The following HNRNPU variants were observed in gnomAD, a reference collection of about 807,000 sequenced individuals.
HNRNPU encodes heterogeneous nuclear ribonucleoprotein U.
Under a neutral mutation model 94.7 loss-of-function variants are expected in HNRNPU, and 5 were observed. The ratio of observed to expected loss-of-function variants is 0.05; its 90% CI spans 0.03 to 0.11. The LOEUF (loss-of-function observed/expected upper bound fraction) is 0.11. HNRNPU is among the 10% of genes least tolerant of loss of function. The pLI is 1.00. For synonymous variants in HNRNPU, 434 were observed against 381.6 expected (o/e 1.14, Z -1.60); for missense variants, 710 against 1,049.2 (o/e 0.68, Z 4.47).
chr1:244,855,024 G>A lies in HNRNPU; in HGVS notation c.2373C>T (p.Asn791=), dbSNP rs778077867. 9.9e-6 allele frequency: 16 copies of A among 1,613,598 alleles called. No individual in the cohort carries two copies. The South Asian group carries it at 1.4e-4, about 14-fold the overall frequency. ...GAGATTGATTTTTGTAGCCACGATTGTTTCCTCGTCCTCTGAAGTTCTACA... is the reference window on the plus strand; with the variant it reads ...GAGATTGATTTTTGTAGCCACGATTATTTCCTCGTCCTCTGAAGTTCTACA... ...NYNQNFRGRG[N]NRGYKNQSQG... Residue 791 remains asparagine, a synonymous_variant, in exon 13 of 14, where the codon AAC becomes AAT. Transcript: ENST00000640218.
chr1:244,862,338 C>G (rs1680855339), intron 3 of HNRNPU, 123 bp downstream of exon 3: 4 of 654,354 alleles, frequency 6.1e-6, no homozygotes, highest in Non-Finnish European at 1.1e-5. Context: ...AAACCATTAT[C>G]TTCCTGCTTT....
chr1:244,862,585 A>G, intron 2 of HNRNPU, 34 bp downstream of exon 2: 1 of 1,607,194 alleles, frequency 6.2e-7, no homozygotes, highest in Non-Finnish European at 8.5e-7. Context: ...ACGAACGAAT[A>G]AGGGATGAGT....
intron 5 of HNRNPU, chr1:244,859,053 C>T: frequency 1.7e-6 from 1 of 579,628 alleles, no homozygotes; most frequent in Non-Finnish European, 3.0e-6. Context: ...ATTTGCATAT[C>T]ACGGGTAAGA....
At chr1:244,857,892 A>G in intron 7 of HNRNPU, 119 bp downstream of exon 7, 3 of 1,295,566 alleles carry the variant, frequency 2.3e-6, no homozygotes, top group Non-Finnish European at 3.2e-6. Flanking sequence ...ATTACTTAAG[A>G]GCAATATGCA....
At position 244,851,602 on chromosome 1, in the gene HNRNPU, G is replaced by C. The variant is rs1680550424; in HGVS notation, c.*2848C>G. On this transcript the variant is annotated 3_prime_UTR_variant, in exon 14 of 14. Transcript: ENST00000640218. ...TAAAATACCTTGTTGCTAGTGCTCA[G>C]AACATCTAGGTTCAGTCTTTATTTT... 1 of 152,264 alleles carries C rather than the reference G, an allele frequency of 6.6e-6. No homozygotes were observed. The highest frequency in any genetic ancestry group is 1.5e-5 in the Non-Finnish European group (1 of 68,016). The allele number at this position is 152,264 out of a possible 1,614,324, so 9.4% of individuals were successfully genotyped here.
At chr1:244,855,192 TTTC>T in intron 12 of HNRNPU, 148 bp from the exon 13 acceptor site, 1 of 722,856 alleles carries the variant, frequency 1.4e-6, no homozygotes, top group Non-Finnish European at 2.4e-6. Context: ...CCTCTGCTGG[TTTC>T]TTATGTTTTA....
rs1414467757 is a variant in HNRNPU, at chr1:244,863,708, C to G, written c.600G>C (p.Pro200=). 1 of 1,563,796 alleles carries G rather than the reference C, an allele frequency of 6.4e-7. No individual in the cohort carries two copies. The highest frequency in any genetic ancestry group is 1.1e-5 in the South Asian group (1 of 87,548). The change falls in exon 1 of 14, where the codon CCG becomes CCC. Residue 200 remains proline, a synonymous_variant. Transcript: ENST00000640218. ...GCTGCTGGCCCTGCCTCGCCCCGGG[C>G]GGCGCCACCGTCACCGCGAACAGCG... ...PTSLFAVTVA[P]PGARQGQQQA...
intron 10 of HNRNPU, 55 bp from the exon 11 acceptor site, chr1:244,856,213 A>C: frequency 3.9e-6 from 6 of 1,520,122 alleles, no homozygotes; most frequent in Non-Finnish European, 5.3e-6. Flanking sequence ...AATCCTCACA[A>C]TCCTAAAGCT....
intron 5 of HNRNPU, 45 bp from the exon 6 acceptor site, chr1:244,858,886 C>G: frequency 1.1e-6 from 1 of 908,656 alleles, no homozygotes; most frequent in South Asian, 1.4e-5. Flanking sequence ...TTAAAATAGT[C>G]CAAAGACTCA....
At chr1:244,854,632 T>G in intron 13 of HNRNPU, 129 bp from the exon 14 acceptor site, 1 of 677,936 alleles carries the variant, frequency 1.5e-6, no homozygotes, top group Non-Finnish European at 2.6e-6. Context: ...ATACCTCTGA[T>G]TTCTACCAAA....
In HNRNPU at chr1:244,851,272, A is replaced by G; in HGVS notation, c.*3178T>C. On this transcript the variant is annotated 3_prime_UTR_variant, in exon 14 of 14. Transcript: ENST00000640218. ...TATTCTAGTTTTTTAAAAATCAAAT[A>G]TACAAGATCTACAATTATTTATATC... The G allele has an allele frequency of 6.6e-6, 1 of 152,178 alleles. No individual in the cohort carries two copies. The highest frequency in any genetic ancestry group is 1.9e-4 in the East Asian group (1 of 5,198). 9.4% of individuals were successfully genotyped at this position (152,178 alleles called of 1,614,324 possible).
At chr1:244,863,470 G>C in intron 1 of HNRNPU, 147 bp downstream of exon 1, 2 of 1,044,728 alleles carry the variant, frequency 1.9e-6, no homozygotes, top group Non-Finnish European at 2.5e-6. Flanking sequence ...CGGCTAATCT[G>C]GGATTCCCCG....
chr1:244,859,064 T>C (rs977314904), intron 5 of HNRNPU: 2 of 580,614 alleles, frequency 3.4e-6, no homozygotes, highest in Non-Finnish European at 6.1e-6. Context: ...ACGGGTAAGA[T>C]TTTATTTCAA....
At chr1:244,855,094 G>A in intron 12 of HNRNPU, 50 bp from the exon 13 acceptor site, 1 of 1,416,460 alleles carries the variant, frequency 7.1e-7, no homozygotes, top group South Asian at 1.1e-5. Context: ...TTGCTTGTTA[G>A]GTTTGTGGGG....
Position 244,864,109 on chromosome 1 carries a change from C to A in HNRNPU, c.199G>T (p.Ala67Ser). 6.3e-7 allele frequency: 1 copy of A among 1,596,090 alleles called. No individual in the cohort carries two copies. Reference protein sequence around the residue: ...NGSLDLGGDSAGRSGAGLEQE... With the variant: ...NGSLDLGGDSSGRSGAGLEQE... The stretch of plus-strand genomic sequence containing the variant: ...TCGAGGCCTGCTCCCGAGCGCCCAG[C>A]GGAATCCCCGCCCAGGTCTAGGCTG... The change falls in exon 1 of 14, where the codon GCT becomes TCT. Residue 67 changes from alanine (A) to serine (S), a missense_variant. Ala to Ser is a moderately conservative substitution (Grantham distance 99). Around this residue, in one of 8 missense-constraint regions of HNRNPU, gnomAD observed 292 missense variants for 293.4 expected, o/e 1.00. Coordinates refer to ENST00000640218, the MANE Select transcript of HNRNPU (RefSeq NM_031844.3).
chr1:244,863,527 C>G (rs1318363269), intron 1 of HNRNPU, 90 bp downstream of exon 1: 2 of 1,267,036 alleles, frequency 1.6e-6, no homozygotes, highest in Non-Finnish European at 2.0e-6. Context: ...CCCGGGGCTC[C>G]CTCCCCCTGC....
In HNRNPU at chr1:244,863,566, C is replaced by T. The variant is rs749005431; in HGVS notation, c.691+51G>A. ...GCTCCGGCAGGCCTGGGGCACGGTC[C>T]CCACCCCGCGCGGGCCTCCCGCCGC... On this transcript the variant is annotated intron_variant, in intron 1 of 13. Transcript: ENST00000640218. 10 of 1,364,910 alleles carry T rather than the reference C, an allele frequency of 7.3e-6. No homozygotes were observed. In the African/African-American group the frequency reaches 1.2e-4, roughly 17 times the overall value. 84.5% of individuals were successfully genotyped at this position (1,364,910 alleles called of 1,614,324 possible).
In HNRNPU at chr1:244,863,765, C is replaced by T; in HGVS notation, c.543G>A (p.Lys181=). 1.9e-6 allele frequency: 3 copies of T among 1,592,692 alleles called. No homozygotes were observed. The highest frequency in any genetic ancestry group is 2.3e-5 in the East Asian group (1 of 43,548). ...GGCCGCTGCTCTTCCCCGCGGCCTCCTTGGCGGCCCCGCGCTGCTGTTGGG... is the reference window on the plus strand; with the variant it reads ...GGCCGCTGCTCTTCCCCGCGGCCTCTTTGGCGGCCCCGCGCTGCTGTTGGG... ...QQPQQQRGAA[K]EAAGKSSGPT... is the part of the protein sequence containing the mutation. The change falls in exon 1 of 14, where the codon AAG becomes AAA. Residue 181 remains lysine, a synonymous_variant. Transcript: ENST00000640218.
rs996636159 is a variant in HNRNPU at position 244,862,389 on chromosome 1, G to C, written c.877+72C>G. 7.3e-6 allele frequency: 6 copies of C among 822,456 alleles called. No individual in the cohort carries two copies. In the Admixed American group the frequency reaches 1.6e-4, roughly 21 times the overall value. The allele number at this position is 822,456 out of a possible 1,614,324, so 50.9% of individuals were successfully genotyped here. The stretch of plus-strand genomic sequence containing the variant: ...AAGTTTTGCTGCACTTAAGCATTAA[G>C]ACTTCTAAAAAAAAAAAAAAAAAAA... On this transcript the variant is annotated intron_variant, in intron 3 of 13. Transcript: ENST00000640218.
Sources: allele counts gnomAD v4.1 joint callset, GRCh38; gene constraint gnomAD v4.1.1; regional missense constraint gnomAD v4.1.1; transcripts MANE v1.5; gene names NCBI Gene and HGNC (gene_info 2026-07-23, HGNC 2026-07-21).